HSPA12A: variants seen among roughly 807,000 people sequenced by gnomAD.
The protein encoded by HSPA12A is heat shock 70 kDa protein 12A.
In HSPA12A, 28 loss-of-function variants were observed where a neutral mutation model predicts 69.2. The ratio of observed to expected loss-of-function variants is 0.40; its 90% confidence interval spans 0.30 to 0.55. The LOEUF is 0.55. HSPA12A is among the 20% of genes least tolerant of loss of function. The pLI is 0.38. For missense variants in HSPA12A, 686 were observed against 900.7 expected, an observed-to-expected ratio of 0.76 and a Z score of 3.05; for synonymous variants, 345 against 370.5, an observed-to-expected ratio of 0.93 and a Z score of 0.79.
At chr10:116,715,725 T>C (rs936804614) in intron 1 of HSPA12A, among the ~76,000 whole-genome samples, 2 of 152,244 alleles carry the variant, frequency 1.3e-5, no homozygotes, top group Admixed American at 6.5e-5. Context: ...GGCAGGTCAA[T>C]GTTTTTCTTC....
exon 1 of HSPA12A, chr10:116,849,723 G>C: frequency 1.3e-6 from 2 of 1,523,076 alleles, no homozygotes; most frequent in Non-Finnish European, 8.8e-7. Context: ...CGACGTCTAC[G>C]GGCACCTGGT....
intron 1 of HSPA12A, among the ~76,000 whole-genome samples, chr10:116,841,030 A>G (rs1268774317): frequency 6.6e-6 from 1 of 152,030 alleles, no homozygotes; most frequent in Non-Finnish European, 1.5e-5. Flanking sequence ...ATCTCTAGGC[A>G]CACACACACA....
intron 1 of HSPA12A, among the ~76,000 whole-genome samples, chr10:116,714,353 T>C (rs1251832333): frequency 1.3e-5 from 2 of 152,112 alleles, no homozygotes; most frequent in African/African-American, 2.4e-5. Flanking sequence ...TCTCCTCAGA[T>C]ACCCCTTTTG....
In HSPA12A at chr10:116,797,001, G is replaced by A. The variant is rs1285612724; in HGVS notation, c.91+37934C>T. On this transcript the variant is annotated intron_variant, in intron 2 of 12. Transcript: ENST00000635765. ...TCCCTGCATGATTATTGCTGCCCCCGGGAACTCTTCTTGAGGTCCTCCAAA... is the reference window on the plus strand; with the variant it reads ...TCCCTGCATGATTATTGCTGCCCCCAGGAACTCTTCTTGAGGTCCTCCAAA... Among the ~76,000 whole-genome samples, 8 of 152,030 alleles carry A rather than the reference G, an allele frequency of 5.3e-5. No individual in the cohort carries two copies. In the South Asian group the frequency reaches 1.5e-3, roughly 28 times the overall value.
chr10:116,734,820 T>C (rs1168159317), intron 1 of HSPA12A, among the ~76,000 whole-genome samples: 3 of 151,928 alleles, frequency 2.0e-5, no homozygotes, highest in East Asian at 3.9e-4. Flanking sequence ...GGTGAAACCC[T>C]GCCTCTACTA....
chr10:116,772,109 C>A (rs758365), intron 2 of HSPA12A, among the ~76,000 whole-genome samples: 1 of 151,952 alleles, frequency 6.6e-6, no homozygotes, highest in Admixed American at 6.6e-5. Flanking sequence ...GGGGTAGTGG[C>A]GAGGATGATG....
intron 2 of HSPA12A, among the ~76,000 whole-genome samples, chr10:116,818,912 G>GCAC (rs993926446): frequency 6.6e-5 from 10 of 151,996 alleles, no homozygotes; most frequent in Non-Finnish European, 1.0e-4. Flanking sequence ...GCACCTAAGG[G>GCAC]CACCCTTCCT....
chr10:116,750,176 A>G (rs1851742914), intron 2 of HSPA12A: 2 of 633,248 alleles, frequency 3.2e-6, no homozygotes, highest in East Asian at 2.7e-5. Context: ...GGTTGGCCTG[A>G]CAAATTATGC....
At chr10:116,807,656 CT>C (rs1286284726) in intron 2 of HSPA12A, among the ~76,000 whole-genome samples, 1 of 152,172 alleles carries the variant, frequency 6.6e-6, no homozygotes, top group Non-Finnish European at 1.5e-5. Flanking sequence ...TCTGGGGTGT[CT>C]GCGCCACTTG....
intron 2 of HSPA12A, among the ~76,000 whole-genome samples, chr10:116,781,130 CA>C (rs1554891754): frequency 6.6e-6 from 1 of 151,980 alleles, no homozygotes; most frequent in African/African-American, 2.4e-5. Context: ...CCTGTCTCTA[CA>C]AAAAAGAAAC....
intron 2 of HSPA12A, among the ~76,000 whole-genome samples, chr10:116,769,682 G>T (rs782501759): frequency 6.6e-6 from 1 of 152,178 alleles, no homozygotes; most frequent in Non-Finnish European, 1.5e-5. Flanking sequence ...TTAGGTTTAG[G>T]CAATAGAGCT....
At chr10:116,795,564 T>C (rs1366075595) in intron 2 of HSPA12A, among the ~76,000 whole-genome samples, 4 of 149,084 alleles carry the variant, frequency 2.7e-5, no homozygotes, top group African/African-American at 9.9e-5. Flanking sequence ...AACGTGCCTG[T>C]AATCCCAGCT....
chr10:116,801,118 C>T (rs1844946547), intron 2 of HSPA12A, among the ~76,000 whole-genome samples: 1 of 152,296 alleles, frequency 6.6e-6, no homozygotes, highest in South Asian at 2.1e-4. Context: ...GTGGTTGACA[C>T]TAAATTGATT....
chr10:116,710,140 C>G lies in HSPA12A; in HGVS notation c.41-2855G>C, dbSNP rs1416168949. Among the ~76,000 whole-genome samples the G allele has an allele frequency of 6.6e-6, 1 of 152,174 alleles. No homozygotes were observed. Among genetic ancestry groups the G allele is most frequent in the Non-Finnish European group, 1.5e-5 (1 of 68,038 alleles). On this transcript the variant is annotated intron_variant, in intron 1 of 11. Transcript: ENST00000369209. The surrounding 1 kb of genome is among the most constrained non-coding windows in gnomAD (Gnocchi z 4.1). ...AGGGGTTCCAGCCAGATGGTCCTTC[C>G]ACCTGTTGGTGAGAGGTCCTCCCTG... is the stretch of plus-strand genomic sequence containing the variant.
chr10:116,694,885 G>T (rs781803265), intron 5 of HSPA12A, among the ~76,000 whole-genome samples: 1 of 152,136 alleles, frequency 6.6e-6, no homozygotes, highest in Non-Finnish European at 1.5e-5. Context: ...GTTCCAAGCA[G>T]GCTTCACAAC....
intron 2 of HSPA12A, among the ~76,000 whole-genome samples, chr10:116,706,919 CCTT>C: frequency 6.6e-6 from 1 of 152,298 alleles, no homozygotes; most frequent in East Asian, 1.9e-4. Flanking sequence ...TCCCATCTCA[CCTT>C]CTTCTGTGAC....
At chr10:116,753,261 C>T (rs2133089667) in intron 2 of HSPA12A, among the ~76,000 whole-genome samples, 1 of 152,228 alleles carries the variant, frequency 6.6e-6, no homozygotes, top group African/African-American at 2.4e-5. Flanking sequence ...CGGGCTCAGA[C>T]AGGCCTGTGT....
intron 1 of HSPA12A, among the ~76,000 whole-genome samples, chr10:116,722,703 T>A (rs1027925587): frequency 2.6e-5 from 4 of 152,192 alleles, no homozygotes; most frequent in Admixed American, 6.5e-5. Flanking sequence ...ATTTAATTTA[T>A]GAGAATCCAA....
intron 1 of HSPA12A, among the ~76,000 whole-genome samples, chr10:116,719,215 G>A (rs1266050236): frequency 5.3e-5 from 8 of 152,284 alleles, no homozygotes; most frequent in East Asian, 3.9e-4. Flanking sequence ...GCCTCCTCCC[G>A]CTGCCAATGA....
Sources: allele counts gnomAD v4.1 joint callset (sites outside exome capture counted in the v4.1 genomes callset), GRCh38; gene constraint gnomAD v4.1.1; non-coding constraint Gnocchi (gnomAD v3.1); transcripts MANE v1.5; gene names NCBI Gene and HGNC (gene_info 2026-07-23, HGNC 2026-07-21).